PTPRD: variants seen among roughly 807,000 people sequenced by gnomAD.
The protein encoded by PTPRD is receptor-type tyrosine-protein phosphatase delta.
PTPRD carries 34 observed loss-of-function variants against 214.5 expected under a neutral mutation model. That is an observed-to-expected ratio of 0.16 (90% CI 0.12 to 0.21). The LOEUF (loss-of-function observed/expected upper bound fraction) is 0.21, where lower values mean the gene tolerates loss of function less well. Among genes scored for constraint, PTPRD ranks in the 10% least tolerant of loss-of-function variants. The probability of loss-of-function intolerance (pLI) is 1.00; values close to 1 mark genes in which losing one functional copy is unlikely to be tolerated. For missense variants in PTPRD, 2,545 were observed against 2,398.7 expected (o/e 1.06, Z -1.27); for synonymous variants, 1,128 against 845.7 (o/e 1.33, Z -5.79).
chr9:10,294,787 C>A (rs1211782767), intron 3 of PTPRD, among the ~76,000 whole-genome samples: 1 of 151,914 alleles, frequency 6.6e-6, no homozygotes, highest in African/African-American at 2.4e-5. Flanking sequence ...GTGCTATTTT[C>A]TCTTCACTTT....
intron 8 of PTPRD, among the ~76,000 whole-genome samples, chr9:9,465,731 G>C (rs778503384): frequency 2.2e-4 from 34 of 152,090 alleles, no homozygotes; most frequent in Non-Finnish European, 4.3e-4. Context: ...CTTAATGAAA[G>C]ACCATTTAAG....
rs181267188 is a variant in PTPRD, at chr9:8,919,769, G to A, written c.-104+98928C>T. 6.6e-5 allele frequency among the ~76,000 whole-genome samples: 10 copies of A among 150,958 alleles called. No homozygotes were observed. In the East Asian group the frequency reaches 2.0e-3, roughly 30 times the overall value. ...TGTATACATGCATGCATGCATCCAT[G>A]TATATGCACATCTATGCACAATACA... On this transcript the variant is annotated intron_variant, in intron 11 of 45. Transcript: ENST00000381196.
At chr9:10,126,663 C>G (rs1003056340) in intron 3 of PTPRD, among the ~76,000 whole-genome samples, 3 of 151,858 alleles carry the variant, frequency 2.0e-5, no homozygotes, top group Admixed American at 6.6e-5. Flanking sequence ...TTTCTTTTTT[C>G]TTTTTTATAA....
chr9:8,330,246 C>T (rs1254033631), intron 44 of PTPRD, among the ~76,000 whole-genome samples: 2 of 152,192 alleles, frequency 1.3e-5, no homozygotes, highest in African/African-American at 4.8e-5. Flanking sequence ...ATGGGAAACG[C>T]AGAAATCCCC....
intron 2 of PTPRD, chr9:10,532,111 T>C (rs2056523407): frequency 6.6e-6 from 1 of 152,188 alleles, no homozygotes; most frequent in Non-Finnish European, 1.5e-5. Flanking sequence ...TGATATTTGT[T>C]GCAGAAGCTT....
chr9:10,192,445 G>GAAAA (rs552289562), intron 3 of PTPRD, among the ~76,000 whole-genome samples: 1 of 72,656 alleles, frequency 1.4e-5, no homozygotes, highest in Non-Finnish European at 2.6e-5. Context: ...CACGATCCAG[G>GAAAA]AAAAAAAAAA....
chr9:10,230,436 G>GTATCTATCTATCTATCTATCTATC (rs59835845), intron 3 of PTPRD, among the ~76,000 whole-genome samples: 3 of 140,742 alleles, frequency 2.1e-5, no homozygotes, highest in East Asian at 2.0e-4. Flanking sequence ...ATGTATCTAT[G>GTATCTATCTATCTATCTATCTATC]TATCTATCTA....
chr9:8,836,946 T>A (rs1264948975), intron 11 of PTPRD, among the ~76,000 whole-genome samples: 2 of 150,376 alleles, frequency 1.3e-5, no homozygotes, highest in Non-Finnish European at 3.0e-5. Flanking sequence ...AACCCCCCAA[T>A]ACCTACCATT....
chr9:8,866,811 A>G (rs2098205072), intron 11 of PTPRD, among the ~76,000 whole-genome samples: 1 of 152,112 alleles, frequency 6.6e-6, no homozygotes, highest in South Asian at 2.1e-4. Flanking sequence ...TCTACCACAT[A>G]TGAATACTAC....
At chr9:10,168,699 C>G (rs1326466358) in intron 3 of PTPRD, among the ~76,000 whole-genome samples, 1 of 152,172 alleles carries the variant, frequency 6.6e-6, no homozygotes, top group Non-Finnish European at 1.5e-5. Flanking sequence ...AGATCTGTCA[C>G]TCACTAATTC....
At chr9:8,923,070 C>T (rs975626483) in intron 11 of PTPRD, among the ~76,000 whole-genome samples, 2 of 149,892 alleles carry the variant, frequency 1.3e-5, no homozygotes, top group Non-Finnish European at 3.0e-5. Context: ...GAGACTGAGT[C>T]TCGCTCTGTC....
At chr9:8,806,768 G>A (rs1314994256) in intron 11 of PTPRD, among the ~76,000 whole-genome samples, 2 of 152,124 alleles carry the variant, frequency 1.3e-5, no homozygotes, top group Non-Finnish European at 2.9e-5. Context: ...AAGATACTTA[G>A]ATTACTGTTA....
At chr9:9,954,302 A>AC (rs1221750830) in intron 4 of PTPRD, among the ~76,000 whole-genome samples, 1 of 141,330 alleles carries the variant, frequency 7.1e-6, no homozygotes, top group South Asian at 2.2e-4. Context: ...CAAAACAAAA[A>AC]AAAAAAAAAA....
rs1421559912 is a variant in PTPRD at position 8,961,269 on chromosome 9, C to T, written c.-104+57428G>A. On this transcript the variant is annotated intron_variant, in intron 11 of 45. Transcript: ENST00000381196. ...GTTCCAGGGACAAAGGGCAGATGTA[C>T]ATAAAACACAATGGTATCTTTGTGG... 2.2e-4 allele frequency among the ~76,000 whole-genome samples: 34 copies of T among 152,044 alleles called. 1 individual carries two copies. Among genetic ancestry groups the T allele is most frequent in the Non-Finnish European group, 2.9e-5 (2 of 68,000 alleles).
intron 3 of PTPRD, among the ~76,000 whole-genome samples, chr9:10,128,260 T>C (rs553294823): frequency 6.6e-6 from 1 of 152,264 alleles, no homozygotes; most frequent in East Asian, 1.9e-4. Context: ...GCTTAGAATG[T>C]GACATAATTT....
chr9:9,390,554 T>A (rs1442070322), intron 9 of PTPRD, among the ~76,000 whole-genome samples: 2 of 152,098 alleles, frequency 1.3e-5, no homozygotes, highest in African/African-American at 4.8e-5. Context: ...AAAATAATTT[T>A]AAAAATTTAA....
chr9:9,029,338 A>G (rs949693895), intron 10 of PTPRD, among the ~76,000 whole-genome samples: 6 of 151,868 alleles, frequency 4.0e-5, no homozygotes, highest in African/African-American at 1.4e-4. Context: ...TCAGACTAAA[A>G]AGTGCTGATT....
At chr9:9,708,467 A>G (rs1442187903) in intron 7 of PTPRD, among the ~76,000 whole-genome samples, 2 of 152,086 alleles carry the variant, frequency 1.3e-5, no homozygotes, top group African/African-American at 4.8e-5. Flanking sequence ...CACATTACAT[A>G]GTCAATTATT....
chr9:9,578,592 A>C (rs1355446344), intron 7 of PTPRD, among the ~76,000 whole-genome samples: 2 of 152,274 alleles, frequency 1.3e-5, no homozygotes, highest in South Asian at 2.1e-4. Context: ...ATTGGGAATA[A>C]TTTTAAAGAC....
Sources: allele counts gnomAD v4.1 joint callset (sites outside exome capture counted in the v4.1 genomes callset), GRCh38; gene constraint gnomAD v4.1.1; transcripts MANE v1.5; gene names NCBI Gene and HGNC (gene_info 2026-07-23, HGNC 2026-07-21).